DKK2: variants seen among roughly 807,000 people sequenced by gnomAD.
DKK2 encodes dickkopf-related protein 2.
A neutral mutation model predicts 28.1 loss-of-function variants in DKK2; 11 were observed. That is an observed-to-expected ratio of 0.39 (90% CI 0.25 to 0.65). DKK2 has a LOEUF of 0.65. DKK2 is among the 30% of genes least tolerant of loss of function. DKK2 has a pLI of 0.47. For synonymous variants in DKK2, 135 were observed against 126.5 expected, an observed-to-expected ratio of 1.07 and a Z score of -0.45; for missense variants, 326 against 335.5, an observed-to-expected ratio of 0.97 and a Z score of 0.22.
chr4:107,035,678 A>C lies in DKK2; in HGVS notation c.-87T>G. 2.8e-6 allele frequency: 4 copies of C among 1,433,102 alleles called. No individual in the cohort carries two copies. The highest frequency in any genetic ancestry group is 3.8e-6 in the Non-Finnish European group (4 of 1,039,882). 88.8% of individuals were successfully genotyped at this position (1,433,102 alleles called of 1,614,324 possible). A position where few individuals can be genotyped will look rare whatever the true frequency, so the allele number is the denominator to read the frequency against. Reference sequence around the variant, plus strand: ...GGAGGACCCCAACACGGGGCCCCTCACTTGGGTCGCGGGGGCTTGCAGATT... The same window carrying C: ...GGAGGACCCCAACACGGGGCCCCTCCCTTGGGTCGCGGGGGCTTGCAGATT... On this transcript the variant is annotated 5_prime_UTR_variant, in exon 1 of 4. Coordinates refer to ENST00000285311, the MANE Select transcript of DKK2 (RefSeq NM_014421.3).
At chr4:106,985,815 CAA>C (rs112120001) in intron 1 of DKK2, among the ~76,000 whole-genome samples, 5,001 of 79,364 alleles carry the variant, frequency 0.063, 72 homozygotes, top group African/African-American at 0.11. Context: ...GACTCCGTCT[CAA>C]AAAAAAAAAA....
chr4:107,008,539 C>T (rs969463595), intron 1 of DKK2, among the ~76,000 whole-genome samples: 1 of 151,990 alleles, frequency 6.6e-6, no homozygotes, highest in East Asian at 1.9e-4. Context: ...AAAAGCACCC[C>T]GTGTTAGGCA....
At position 106,967,954 on chromosome 4, in the gene DKK2, CAAAGAAAG is replaced by C. The variant is rs5860838; in HGVS notation, c.223-42013_223-42006del. Among the ~76,000 whole-genome samples, 648 of 144,738 alleles carry C rather than the reference CAAAGAAAG, an allele frequency of 4.5e-3. 1 individual carries two copies. The highest frequency in any genetic ancestry group is 7.9e-3 in the Non-Finnish European group (519 of 65,978). The allele number at this position is 144,738 out of a possible 152,430, so 95.0% of individuals were successfully genotyped here. ...GGAAGGAAGGAAGAAAGAGAGAAAA[CAAAGAAAG>C]AAAGGAATGAAGAGAAAAGTAGAAA... On this transcript the variant is annotated intron_variant, in intron 1 of 3. Coordinates refer to ENST00000285311, the MANE Select transcript of DKK2 (RefSeq NM_014421.3).
At chr4:106,934,210 G>A (rs767821477) in intron 1 of DKK2, among the ~76,000 whole-genome samples, 29 of 152,096 alleles carry the variant, frequency 1.9e-4, no homozygotes, top group Middle Eastern at 3.4e-3. Context: ...AAAAAACTTC[G>A]TTTACATTAA....
chr4:106,963,214 G>A (rs947784526), intron 1 of DKK2, among the ~76,000 whole-genome samples: 9 of 151,922 alleles, frequency 5.9e-5, no homozygotes, highest in East Asian at 3.9e-4. Context: ...TTAGCTGGGC[G>A]TGGTGGCAGG....
intron 1 of DKK2, among the ~76,000 whole-genome samples, chr4:106,940,480 G>T (rs1724677201): frequency 6.6e-6 from 1 of 150,740 alleles, no homozygotes; most frequent in Non-Finnish European, 1.5e-5. Flanking sequence ...AGAGGATGTG[G>T]AGAAATAGGA....
chr4:107,017,679 AAT>A (rs1391575443), intron 1 of DKK2, among the ~76,000 whole-genome samples: 1 of 150,822 alleles, frequency 6.6e-6, no homozygotes, highest in African/African-American at 2.5e-5. Context: ...TGCACTGAGA[AAT>A]ATTTTTGGTG....
At chr4:107,013,539 A>C (rs532275565) in intron 1 of DKK2, among the ~76,000 whole-genome samples, 9 of 151,558 alleles carry the variant, frequency 5.9e-5, no homozygotes, top group Non-Finnish European at 1.0e-4. Context: ...AAATCAACTT[A>C]GAATGGATTA....
chr4:106,981,689 C>A (rs1329278117), intron 1 of DKK2, among the ~76,000 whole-genome samples: 1 of 152,124 alleles, frequency 6.6e-6, no homozygotes, highest in Non-Finnish European at 1.5e-5. Context: ...TGAAATCCTA[C>A]CTATCTTTTC....
intron 1 of DKK2, among the ~76,000 whole-genome samples, chr4:107,017,775 T>G (rs1326204871): frequency 1.3e-5 from 2 of 151,422 alleles, no homozygotes; most frequent in Admixed American, 6.6e-5. Flanking sequence ...TGAAATCTCC[T>G]TTTACTTTTA....
At chr4:106,933,960 A>G (rs1050690327) in intron 1 of DKK2, among the ~76,000 whole-genome samples, 1 of 146,614 alleles carries the variant, frequency 6.8e-6, no homozygotes, top group African/African-American at 2.5e-5. Flanking sequence ...TTTCCTGTAA[A>G]TGTGTGTGTG....
chr4:106,955,899 C>A (rs558964904), intron 1 of DKK2, among the ~76,000 whole-genome samples: 8 of 152,244 alleles, frequency 5.3e-5, no homozygotes, highest in African/African-American at 1.7e-4. Context: ...AGAAACAAAT[C>A]CCTCAGCCCT....
intron 1 of DKK2, among the ~76,000 whole-genome samples, chr4:106,965,370 G>C (rs1262965737): frequency 6.6e-6 from 1 of 152,000 alleles, no homozygotes. Context: ...TATTTCTAAA[G>C]GTTTGGCAGG....
chr4:107,002,626 C>CA (rs1723375743), intron 1 of DKK2, among the ~76,000 whole-genome samples: 1 of 152,016 alleles, frequency 6.6e-6, no homozygotes, highest in African/African-American at 2.4e-5. Flanking sequence ...AGTCACTGAA[C>CA]AAATGTTGAG....
chr4:107,007,979 C>T (rs1054810447), intron 1 of DKK2, among the ~76,000 whole-genome samples: 4 of 152,068 alleles, frequency 2.6e-5, no homozygotes, highest in South Asian at 2.1e-4. Flanking sequence ...AACTAGTCCC[C>T]GATATCACCT....
intron 1 of DKK2, among the ~76,000 whole-genome samples, chr4:106,937,465 A>C (rs1260551870): frequency 7.5e-6 from 1 of 133,146 alleles, no homozygotes; most frequent in Non-Finnish European, 1.6e-5. Context: ...AGATTCATAA[A>C]GCAAGTCCTG....
intron 3 of DKK2, 144 bp downstream of exon 3, chr4:106,924,401 T>G (rs1724395189): frequency 7.8e-7 from 1 of 1,277,356 alleles, no homozygotes; most frequent in Non-Finnish European, 1.1e-6. Flanking sequence ...TTCCATTATT[T>G]GCCACCTAAA....
At chr4:107,014,733 T>C (rs1375358544) in intron 1 of DKK2, among the ~76,000 whole-genome samples, 1 of 151,654 alleles carries the variant, frequency 6.6e-6, no homozygotes, top group Non-Finnish European at 1.5e-5. Flanking sequence ...TGTTCACATG[T>C]ATTGAAACAT....
intron 1 of DKK2, among the ~76,000 whole-genome samples, chr4:106,989,682 A>G (rs1181717420): frequency 1.3e-5 from 2 of 152,202 alleles, no homozygotes; most frequent in Non-Finnish European, 2.9e-5. Context: ...CTTTAAAAAT[A>G]GCGTTGTAAT....
Sources: allele counts gnomAD v4.1 joint callset (sites outside exome capture counted in the v4.1 genomes callset), GRCh38; gene constraint gnomAD v4.1.1; transcripts MANE v1.5; gene names NCBI Gene and HGNC (gene_info 2026-07-23, HGNC 2026-07-21).